DMD: variants seen among roughly 807,000 people sequenced by gnomAD.
DMD encodes the protein mutant dystrophin.
A neutral mutation model predicts 330.1 loss-of-function variants in DMD; 63 were observed. The observed-to-expected ratio is 0.19, with a 90% CI of 0.16 to 0.24. DMD has a LOEUF of 0.24. Ranked by LOEUF, DMD falls within the 10% of genes least tolerant of loss-of-function variation. DMD has a pLI of 1.00. For missense variants in DMD, 3,344 were observed against 2,684.1 expected, an observed-to-expected ratio of 1.25 and a Z score of -5.43; for synonymous variants, 1,223 against 959.8, an observed-to-expected ratio of 1.27 and a Z score of -5.07.
chrX:31,578,504 C>T (rs2076206093), intron 55 of DMD, among the ~76,000 whole-genome samples: 1 of 111,630 alleles, frequency 9.0e-6, no homozygotes, highest in Admixed American at 9.5e-5. Context: ...ATTAGGGTGG[C>T]CAGGGGAGAA....
chrX:31,726,374 G>C (rs2086056996), intron 52 of DMD, among the ~76,000 whole-genome samples: 1 of 111,944 alleles, frequency 8.9e-6, no homozygotes, highest in Non-Finnish European at 1.9e-5. Flanking sequence ...GTTATGAAAT[G>C]GGATTTACCA....
At chrX:31,405,059 G>A (rs1355545946) in intron 60 of DMD, among the ~76,000 whole-genome samples, 1 of 111,785 alleles carries the variant, frequency 8.9e-6, no homozygotes, top group Non-Finnish European at 1.9e-5. Context: ...ATTCCTGGAA[G>A]AATAACCACC....
At chrX:32,863,527 A>AAAAAAAAAAAAAAAAAAAAAAAAAATT (rs2082237436) in intron 2 of DMD, among the ~76,000 whole-genome samples, 1 of 60,396 alleles carries the variant, frequency 1.7e-5, no homozygotes, top group African/African-American at 9.6e-5. Context: ...AAAAAAAAAG[A>AAAAAAAAAAAAAAAAAAAAAAAAAATT]TTGTGTTTAT....
At chrX:32,736,296 G>T (rs1415185597) in intron 7 of DMD, among the ~76,000 whole-genome samples, 1 of 111,307 alleles carries the variant, frequency 9.0e-6, no homozygotes, top group East Asian at 2.8e-4. Context: ...GGAGAAATAG[G>T]AACACTTTTT....
chrX:32,456,476 T>C (rs983032857), intron 25 of DMD, among the ~76,000 whole-genome samples: 1 of 111,071 alleles, frequency 9.0e-6, no homozygotes, highest in Non-Finnish European at 1.9e-5. Flanking sequence ...CTCTGCTCTG[T>C]TATAATCTTT....
chrX:33,011,281 A>G (rs2093696917), intron 2 of DMD, among the ~76,000 whole-genome samples: 1 of 111,526 alleles, frequency 9.0e-6, no homozygotes, highest in South Asian at 3.7e-4. Context: ...CAACAATATA[A>G]TTCTTCAAGA....
chrX:32,375,487 C>T (rs1431273501), intron 34 of DMD, among the ~76,000 whole-genome samples: 1 of 111,789 alleles, frequency 8.9e-6, no homozygotes, highest in Non-Finnish European at 1.9e-5. Flanking sequence ...AGGAAAAATC[C>T]CAAGCATTTG....
intron 43 of DMD, among the ~76,000 whole-genome samples, chrX:32,268,171 T>A (rs202243454): frequency 9.0e-6 from 1 of 110,674 alleles, no homozygotes. Context: ...CTCCCTCACA[T>A]TGCCACAGAT....
At chrX:32,692,122 A>C (rs1055262098) in intron 9 of DMD, among the ~76,000 whole-genome samples, 2 of 112,168 alleles carry the variant, frequency 1.8e-5, no homozygotes, top group African/African-American at 6.5e-5. Context: ...TTACACTTAA[A>C]AATCAGTTAA....
In DMD at chrX:32,226,887, C is replaced by T. The variant is rs6653579; in HGVS notation, c.6291-9824G>A. Among the ~76,000 whole-genome samples the T allele has an allele frequency of 2.2e-3, 248 of 110,462 alleles. 1 individual carries two copies. Among genetic ancestry groups the T allele is most frequent in the African/African-American group, 7.8e-3 (238 of 30,573 alleles). On this transcript the variant is annotated intron_variant, in intron 43 of 78. Transcript: ENST00000357033. Reference sequence around the variant, plus strand: ...ATCAATCTACATCAGAAATCATTTTCCAAATATATCAGCAATCACATAATT... The same window carrying T: ...ATCAATCTACATCAGAAATCATTTTTCAAATATATCAGCAATCACATAATT...
At chrX:31,410,921 GTTTTTTTTTT>G (rs758238229) in intron 60 of DMD, among the ~76,000 whole-genome samples, 1 of 59,802 alleles carries the variant, frequency 1.7e-5, no homozygotes, top group Non-Finnish European at 2.9e-5. Flanking sequence ...CTGTGTGTGT[GTTTTTTTTTT>G]TTTTTTTTTT....
At chrX:32,403,737 G>A (rs1345260930) in intron 30 of DMD, among the ~76,000 whole-genome samples, 18 of 111,790 alleles carry the variant, frequency 1.6e-4, no homozygotes. Flanking sequence ...AAATGCACTA[G>A]GTTTACCATC....
intron 1 of DMD, among the ~76,000 whole-genome samples, chrX:33,332,573 T>C (rs1382237499): frequency 4.5e-5 from 5 of 111,279 alleles, no homozygotes; most frequent in Non-Finnish European, 1.9e-5. Context: ...AGCATAAATA[T>C]TTTAAAGACT....
At chrX:31,156,801 G>A (rs16989405) in intron 74 of DMD, among the ~76,000 whole-genome samples, 6,132 of 111,666 alleles carry the variant, frequency 0.055, 276 homozygotes, top group African/African-American at 0.13. Flanking sequence ...ATCTGAAATG[G>A]AAGCAATCTA....
rs200698692 is a variant in DMD at position 32,905,831 on chromosome X, C to CA, written c.94-56012dup. Among the ~76,000 whole-genome samples, 389 of 111,391 alleles carry CA rather than the reference C, an allele frequency of 3.5e-3. 1 individual carries two copies. Among genetic ancestry groups the CA allele is most frequent in the African/African-American group, 0.012 (362 of 30,645 alleles). On this transcript the variant is annotated intron_variant, in intron 2 of 78. Transcript: ENST00000357033. Reference sequence around the variant, plus strand: ...TTTAGCAACATCCCTGGTCTCTACCCACTAGACACCAGTAGCAAACATCTC... The same window carrying CA: ...TTTAGCAACATCCCTGGTCTCTACCCAACTAGACACCAGTAGCAAACATCTC...
chrX:33,081,381 C>T (rs777496049), intron 1 of DMD, among the ~76,000 whole-genome samples: 113 of 112,084 alleles, frequency 1.0e-3, no homozygotes, highest in Non-Finnish European at 1.9e-3. Flanking sequence ...TCAAGGGATT[C>T]TCCTGCCTTA....
chrX:32,715,802 CA>C (rs2065661134), intron 7 of DMD, among the ~76,000 whole-genome samples: 1 of 109,991 alleles, frequency 9.1e-6, no homozygotes, highest in African/African-American at 3.3e-5. Context: ...AACAGAAACA[CA>C]AAAAAAGGAG....
intron 3 of DMD, among the ~76,000 whole-genome samples, chrX:32,846,059 C>T (rs886454726): frequency 1.7e-4 from 19 of 111,704 alleles, no homozygotes; most frequent in East Asian, 1.1e-3. Flanking sequence ...TGGCAGAATT[C>T]AGTGTGTCGA....
At chrX:31,257,759 A>T (rs1218916784) in intron 63 of DMD, among the ~76,000 whole-genome samples, 1 of 112,071 alleles carries the variant, frequency 8.9e-6, no homozygotes, top group African/African-American at 3.2e-5. Context: ...AGCCTAGCCA[A>T]CATGGCAAAA....
Sources: gnomAD v4.1 joint callset for allele counts (sites outside exome capture counted in the v4.1 genomes callset) on GRCh38, gnomAD v4.1.1 for gene constraint, MANE v1.5 for transcripts, NCBI Gene and HGNC (gene_info 2026-07-23, HGNC 2026-07-21) for gene names.